BICRAL: variants seen among roughly 807,000 people sequenced by gnomAD.
BICRAL encodes BRD4-interacting chromatin-remodeling complex-associated protein-like.
Under a neutral mutation model 91.8 loss-of-function variants are expected in BICRAL, and 8 were observed. The ratio of observed to expected loss-of-function variants is 0.09; its 90% CI spans 0.05 to 0.16. The LOEUF is 0.16. BICRAL is among the 10% of genes least tolerant of loss of function. The probability of loss-of-function intolerance (pLI) is 1.00; values close to 1 mark genes in which losing one functional copy is unlikely to be tolerated. For missense variants in BICRAL, 1,038 were observed against 1,310.9 expected (o/e 0.79, Z 3.21); for synonymous variants, 445 against 491.1 (o/e 0.91, Z 1.24).
intron 1 of BICRAL, among the ~76,000 whole-genome samples, chr6:42,757,884 A>G (rs1762486079): frequency 6.6e-6 from 1 of 152,236 alleles, no homozygotes; most frequent in Non-Finnish European, 1.5e-5. Context: ...ACGTGGTCTT[A>G]GCCAAAAGGC....
intron 1 of BICRAL, among the ~76,000 whole-genome samples, chr6:42,804,087 ATC>A (rs568998395): frequency 1.1e-3 from 160 of 152,262 alleles, no homozygotes; most frequent in Non-Finnish European, 1.8e-3. Flanking sequence ...CAATGGCATG[ATC>A]TCTGCTCACT....
At chr6:42,828,396 A>G (rs562268651) in intron 5 of BICRAL, 97 bp from the exon 6 acceptor site, 367 of 1,052,236 alleles carry the variant, frequency 3.5e-4, no homozygotes, top group Admixed American at 6.9e-4. Flanking sequence ...GCGAGACTCC[A>G]TCTCAAAAAA....
chr6:42,792,312 A>G lies in BICRAL; in HGVS notation c.-102+10211A>G, dbSNP rs866680450. Among the ~76,000 whole-genome samples, 35 of 152,212 alleles carry G rather than the reference A, an allele frequency of 2.3e-4. 1 individual carries two copies. Among genetic ancestry groups the G allele is most frequent in the South Asian group, 2.1e-3 (10 of 4,818 alleles). On this transcript the variant is annotated intron_variant, in intron 1 of 12. Coordinates refer to ENST00000314073, the MANE Select transcript of BICRAL (RefSeq NM_001393499.1). ...TTCTGAGACAGTATCTTGGTCACCC[A>G]GGGTTGAAGTCCAGTGGCGTGATCA...
At chr6:42,801,851 C>T (rs887651356) in intron 1 of BICRAL, among the ~76,000 whole-genome samples, 5 of 151,634 alleles carry the variant, frequency 3.3e-5, no homozygotes, top group African/African-American at 7.3e-5. Flanking sequence ...CCACTGTACT[C>T]CAGCCTGGGT....
At chr6:42,821,360 AC>A in intron 2 of BICRAL, 1 of 152,176 alleles carries the variant, frequency 6.6e-6, no homozygotes, top group African/African-American at 2.4e-5. Context: ...GCTAGGGTGA[AC>A]TTTTTTGGTT....
intron 1 of BICRAL, among the ~76,000 whole-genome samples, chr6:42,798,299 C>A (rs1246595833): frequency 6.6e-6 from 1 of 151,752 alleles, no homozygotes; most frequent in Non-Finnish European, 1.5e-5. Context: ...ATGCAATATA[C>A]CCATGTAACA....
At chr6:42,805,829 G>A (rs751904881) in intron 1 of BICRAL, among the ~76,000 whole-genome samples, 2 of 152,024 alleles carry the variant, frequency 1.3e-5, no homozygotes, top group South Asian at 2.1e-4. Flanking sequence ...ATGAAACCCC[G>A]TCTCTACTAA....
At position 42,833,876 on chromosome 6, in the gene BICRAL, G is replaced by A. The variant is rs190212249; in HGVS notation, c.1839+3704G>A. ...ATTATTATTGTTATTATTATGAGAC[G>A]GAGTTTCGCTCTTTGTTGCCCAGGC... On this transcript the variant is annotated intron_variant, in intron 6 of 12. Transcript: ENST00000314073. 3.6e-4 allele frequency among the ~76,000 whole-genome samples: 55 copies of A among 151,856 alleles called. 2 individuals carry two copies. The East Asian group carries it at 7.0e-3, about 19-fold the overall frequency.
rs1343972390 is a variant in BICRAL at position 42,867,693 on chromosome 6, C to G, written c.*2247C>G. 1 of 152,186 alleles carries G rather than the reference C, an allele frequency of 6.6e-6. No individual in the cohort carries two copies. The highest frequency in any genetic ancestry group is 1.9e-4 in the East Asian group (1 of 5,196). 9.4% of individuals were successfully genotyped at this position (152,186 alleles called of 1,614,324 possible). On this transcript the variant is annotated 3_prime_UTR_variant, in exon 13 of 13. Coordinates refer to ENST00000314073, the MANE Select transcript of BICRAL (RefSeq NM_001393499.1). ...TAAGCTTCATGTACATTTGTCACCTCTCTTTCTTCCCTATCCTGCCCTGCT... is the reference window on the plus strand; with the variant it reads ...TAAGCTTCATGTACATTTGTCACCTGTCTTTCTTCCCTATCCTGCCCTGCT...
intron 1 of BICRAL, among the ~76,000 whole-genome samples, chr6:42,794,412 TGTGTGTGTGTGTGTG>T (rs1763362482): frequency 9.3e-5 from 1 of 10,696 alleles, no homozygotes; most frequent in Non-Finnish European, 1.7e-4. Flanking sequence ...TCACTTACTC[TGTGTGTGTGTGTGTG>T]TGTGTGTGTG....
In BICRAL at chr6:42,857,637, T is replaced by TATA. The variant is rs1554283197; in HGVS notation, c.2254+401_2254+402insATA. Among the ~76,000 whole-genome samples the TATA allele has an allele frequency of 1.9e-3, 181 of 94,098 alleles. 1 individual carries two copies. The highest frequency in any genetic ancestry group is 0.011 in the East Asian group (45 of 4,204). 61.7% of individuals were successfully genotyped at this position (94,098 alleles called of 152,430 possible). ...AAAATATATATATATATATATATAT[T>TATA]TTTTAGGAGGGTACCCTAATGTCAG... On this transcript the variant is annotated intron_variant, in intron 10 of 12. Coordinates refer to ENST00000314073, the MANE Select transcript of BICRAL (RefSeq NM_001393499.1).
chr6:42,857,743 A>G (rs965290849), intron 10 of BICRAL, among the ~76,000 whole-genome samples: 1 of 147,630 alleles, frequency 6.8e-6, no homozygotes, highest in Non-Finnish European at 1.5e-5. Context: ...GCTTTGCACT[A>G]GACACTCTAC....
intron 12 of BICRAL, among the ~76,000 whole-genome samples, chr6:42,864,238 G>A (rs868295151): frequency 3.3e-5 from 5 of 152,044 alleles, no homozygotes; most frequent in African/African-American, 9.7e-5. Flanking sequence ...TACTCGAGAG[G>A]CTGAGGCAGG....
At chr6:42,847,408 ACTTTTT>A in intron 6 of BICRAL, among the ~76,000 whole-genome samples, 1 of 152,146 alleles carries the variant, frequency 6.6e-6, no homozygotes, top group Non-Finnish European at 1.5e-5. Context: ...TTTGTCAAAT[ACTTTTT>A]CTGCATCTGT....
intron 2 of BICRAL, among the ~76,000 whole-genome samples, chr6:42,817,180 G>A (rs944535879): frequency 6.7e-6 from 1 of 150,226 alleles, no homozygotes; most frequent in African/African-American, 2.4e-5. Flanking sequence ...GTGTATATAT[G>A]TGTGTGTGTG....
At chr6:42,847,570 G>C (rs1446380459) in intron 6 of BICRAL, among the ~76,000 whole-genome samples, 1 of 150,638 alleles carries the variant, frequency 6.6e-6, no homozygotes, top group East Asian at 2.0e-4. Context: ...TTGAGCCCAG[G>C]AGTTCGAGAC....
chr6:42,808,337 G>T (rs1039785065), intron 1 of BICRAL, among the ~76,000 whole-genome samples: 1 of 151,920 alleles, frequency 6.6e-6, no homozygotes, highest in Admixed American at 6.6e-5. Flanking sequence ...CTCCATGTTG[G>T]TCAGGCTGGT....
At chr6:42,786,042 C>T (rs1175927482) in intron 1 of BICRAL, among the ~76,000 whole-genome samples, 1 of 132,538 alleles carries the variant, frequency 7.5e-6, no homozygotes, top group Non-Finnish European at 1.8e-5. Flanking sequence ...AGACAAAAAA[C>T]ACAGGTCAGG....
chr6:42,855,258 T>C (rs1765314050), intron 8 of BICRAL, among the ~76,000 whole-genome samples: 1 of 152,056 alleles, frequency 6.6e-6, no homozygotes, highest in Non-Finnish European at 1.5e-5. Context: ...AATATAACGA[T>C]GGGTCAGTGC....
Sources: gnomAD v4.1 joint callset for allele counts (sites outside exome capture counted in the v4.1 genomes callset) on GRCh38, gnomAD v4.1.1 for gene constraint, MANE v1.5 for transcripts, NCBI Gene and HGNC (gene_info 2026-07-23, HGNC 2026-07-21) for gene names.